ATAD2B: variants seen among roughly 807,000 people sequenced by gnomAD.
The protein encoded by ATAD2B is ATPase family AAA domain containing 2B.
A neutral mutation model predicts 167.6 loss-of-function variants in ATAD2B; 40 were observed. The ratio of observed to expected loss-of-function variants is 0.24; its 90% confidence interval spans 0.19 to 0.31. ATAD2B has a LOEUF of 0.31. ATAD2B is among the 10% of genes least tolerant of loss of function. ATAD2B has a pLI of 1.00. For synonymous variants in ATAD2B, 579 were observed against 596.5 expected, an observed-to-expected ratio of 0.97 and a Z score of 0.43; for missense variants, 1,242 against 1,757.2, an observed-to-expected ratio of 0.71 and a Z score of 5.24.
intron 6 of ATAD2B, among the ~76,000 whole-genome samples, chr2:23,882,213 A>AT (rs1310078855): frequency 1.3e-5 from 2 of 150,226 alleles, no homozygotes; most frequent in African/African-American, 4.9e-5. Flanking sequence ...TTTTATTTTT[A>AT]TTTTTTTTGA....
chr2:23,691,904 T>A, the ATAD2B span: 1 of 1,542,982 alleles, frequency 6.5e-7, no homozygotes, highest in Non-Finnish European at 8.7e-7. Context: ...ATATGTCGCT[T>A]GGGGGGAAGA....
Position 23,823,243 on chromosome 2 carries a change from AG to A in ATAD2B, c.2131+14del. On this transcript the variant is annotated intron_variant, in intron 16 of 27. Transcript: ENST00000238789. ...TTGTTTCATCTTAACAATATAAAAA[AG>A]TAGTTTAGAGTACCTTCTTTTTTGT... The A allele has an allele frequency of 1.9e-6, 3 of 1,576,272 alleles. No individual in the cohort carries two copies. Among genetic ancestry groups the A allele is most frequent in the Non-Finnish European group, 1.7e-6 (2 of 1,155,606 alleles).
At chr2:23,696,620 G>T in the ATAD2B span, 1 of 885,670 alleles carries the variant, frequency 1.1e-6, no homozygotes. The surrounding 1 kb of genome is among the most constrained non-coding windows in gnomAD (Gnocchi z 5.5). Flanking sequence ...ATGGAGCAGA[G>T]CCTGGACCAT....
intron 23 of ATAD2B, among the ~76,000 whole-genome samples, chr2:23,762,737 G>A (rs913341960): frequency 2.0e-5 from 3 of 152,180 alleles, no homozygotes; most frequent in Non-Finnish European, 4.4e-5. Flanking sequence ...CCCGTGAACT[G>A]TTTCAAAATG....
At chr2:23,916,892 A>AT (rs1703117536) in intron 1 of ATAD2B, among the ~76,000 whole-genome samples, 1 of 152,112 alleles carries the variant, frequency 6.6e-6, no homozygotes, top group Non-Finnish European at 1.5e-5. Context: ...GGGAAGGGCT[A>AT]TTTTTTTATG....
chr2:23,810,568 G>A lies in ATAD2B; in HGVS notation c.2268-66C>T. The A allele has an allele frequency of 5.9e-6, 8 of 1,359,332 alleles. No individual in the cohort carries two copies. In the South Asian group the frequency reaches 7.6e-5, roughly 13 times the overall value. 84.2% of individuals were successfully genotyped at this position (1,359,332 alleles called of 1,614,324 possible). On this transcript the variant is annotated intron_variant, in intron 17 of 27. Transcript: ENST00000238789. The stretch of plus-strand genomic sequence containing the variant: ...TTCTGAAGACAAATATGAAATATCA[G>A]GCAAAATTTTTACATTAAAACAATT...
At chr2:23,774,013 A>G (rs1421106861) in intron 22 of ATAD2B, among the ~76,000 whole-genome samples, 1 of 152,234 alleles carries the variant, frequency 6.6e-6, no homozygotes, top group Non-Finnish European at 1.5e-5. Flanking sequence ...TGTAATTGGT[A>G]AACTTTTACT....
intron 19 of ATAD2B, among the ~76,000 whole-genome samples, chr2:23,789,035 C>G (rs2149418210): frequency 6.6e-6 from 1 of 151,744 alleles, no homozygotes; most frequent in South Asian, 2.1e-4. Flanking sequence ...CATCTCTTAT[C>G]CTCGTATTTC....
intron 13 of ATAD2B, among the ~76,000 whole-genome samples, chr2:23,847,683 A>T (rs980335620): frequency 9.6e-5 from 11 of 114,190 alleles, no homozygotes; most frequent in South Asian, 5.6e-4. Flanking sequence ...CTTTTGTTTT[A>T]AAAAAAAAAA....
the ATAD2B span, among the ~76,000 whole-genome samples, chr2:23,738,146 G>C: frequency 1.3e-5 from 2 of 152,170 alleles, no homozygotes; most frequent in Non-Finnish European, 2.9e-5. Flanking sequence ...TCCAAGAGAA[G>C]TTCCCCAATC....
the ATAD2B span, among the ~76,000 whole-genome samples, chr2:23,715,390 G>A: frequency 1.3e-5 from 2 of 152,070 alleles, no homozygotes; most frequent in South Asian, 4.2e-4. Flanking sequence ...TGGCTGACAT[G>A]GTGAAATCCT....
intron 13 of ATAD2B, among the ~76,000 whole-genome samples, chr2:23,854,747 C>T (rs1041419029): frequency 1.2e-4 from 18 of 151,616 alleles, no homozygotes; most frequent in Non-Finnish European, 2.2e-4. Flanking sequence ...TATTGCCACA[C>T]TTATTTAGGC....
At chr2:23,881,475 C>T (rs757038732) in intron 6 of ATAD2B, among the ~76,000 whole-genome samples, 29 of 150,648 alleles carry the variant, frequency 1.9e-4, no homozygotes, top group Non-Finnish European at 2.5e-4. Context: ...AATTCTCCTG[C>T]CTCAGCCTCC....
chr2:23,896,468 A>G (rs1700168410), intron 1 of ATAD2B, among the ~76,000 whole-genome samples: 1 of 152,236 alleles, frequency 6.6e-6, no homozygotes, highest in Non-Finnish European at 1.5e-5. Context: ...TAATCAGAAA[A>G]ATATGTTGTT....
intron 2 of ATAD2B, among the ~76,000 whole-genome samples, chr2:23,891,626 G>C (rs1307667753): frequency 6.6e-6 from 1 of 151,588 alleles, no homozygotes; most frequent in Non-Finnish European, 1.5e-5. Flanking sequence ...CTCCCAAGCA[G>C]TACAGGCGTG....
chr2:23,829,472 C>T (rs187034274), intron 14 of ATAD2B, among the ~76,000 whole-genome samples: 70 of 152,138 alleles, frequency 4.6e-4, no homozygotes, highest in Middle Eastern at 3.4e-3. Context: ...TCATGCATGC[C>T]AGTTGTGGTG....
the ATAD2B span, among the ~76,000 whole-genome samples, chr2:23,732,664 C>G: frequency 6.6e-6 from 1 of 152,182 alleles, no homozygotes; most frequent in Non-Finnish European, 1.5e-5. Flanking sequence ...CTAAACTTCA[C>G]AACAGCCCAC....
chr2:23,735,591 G>A, the ATAD2B span, among the ~76,000 whole-genome samples: 1 of 152,190 alleles, frequency 6.6e-6, no homozygotes, highest in Non-Finnish European at 1.5e-5. Context: ...GGACTAGCTG[G>A]CACAGAATTT....
chr2:23,720,833 A>T, the ATAD2B span, among the ~76,000 whole-genome samples: 1 of 152,056 alleles, frequency 6.6e-6, no homozygotes, highest in South Asian at 2.1e-4. Context: ...TTAGGAACAC[A>T]AAGTGTGCCC....
Sources: gnomAD v4.1 joint callset for allele counts (sites outside exome capture counted in the v4.1 genomes callset) on GRCh38, gnomAD v4.1.1 for gene constraint, Gnocchi (gnomAD v3.1) non-coding constraint, MANE v1.5 for transcripts, NCBI Gene and HGNC (gene_info 2026-07-23, HGNC 2026-07-21) for gene names.